The following RBFOX1 variants were observed in gnomAD, a reference collection of about 807,000 sequenced individuals.
RBFOX1 encodes the protein RNA binding protein fox-1 homolog 1.
In RBFOX1, 8 loss-of-function variants were observed where a neutral mutation model predicts 57.7. The observed-to-expected ratio is 0.14, with a 90% CI of 0.08 to 0.25. The LOEUF (loss-of-function observed/expected upper bound fraction) is 0.25. Among genes scored for constraint, RBFOX1 ranks in the 10% least tolerant of loss-of-function variants. The probability of loss-of-function intolerance (pLI) is 1.00; values close to 1 mark genes in which losing one functional copy is unlikely to be tolerated. For missense variants in RBFOX1, 611 were observed against 548.5 expected, an observed-to-expected ratio of 1.11 and a Z score of -1.14; for synonymous variants, 326 against 222.4, an observed-to-expected ratio of 1.47 and a Z score of -4.15.
intron 4 of RBFOX1, among the ~76,000 whole-genome samples, chr16:5,994,863 T>C (rs2060465313): frequency 6.6e-6 from 1 of 152,174 alleles, no homozygotes; most frequent in Non-Finnish European, 1.5e-5. Context: ...AATGCATACA[T>C]ATCTACGAAT....
At chr16:6,735,670 C>G (rs2070025723) in intron 3 of RBFOX1, among the ~76,000 whole-genome samples, 1 of 152,118 alleles carries the variant, frequency 6.6e-6, no homozygotes. Flanking sequence ...AATGCTGAGA[C>G]TCTCTCAGAT....
chr16:7,272,006 T>C (rs1288655441), intron 4 of RBFOX1, among the ~76,000 whole-genome samples: 4 of 152,178 alleles, frequency 2.6e-5, no homozygotes, highest in Admixed American at 6.5e-5. Flanking sequence ...GAAGTCATCA[T>C]AGTGTTTTTG....
chr16:7,453,986 A>G (rs1192708469), intron 4 of RBFOX1, among the ~76,000 whole-genome samples: 1 of 152,216 alleles, frequency 6.6e-6, no homozygotes, highest in Non-Finnish European at 1.5e-5. Flanking sequence ...AAATCTCAGC[A>G]GTTTGGGAGG....
intron 3 of RBFOX1, among the ~76,000 whole-genome samples, chr16:6,895,486 A>ATATATATAAATATG (rs1231560510): frequency 2.2e-5 from 2 of 92,048 alleles, no homozygotes; most frequent in Non-Finnish European, 4.4e-5. Context: ...ATATATATAT[A>ATATATATAAATATG]TTTATTCCCC....
intron 4 of RBFOX1, among the ~76,000 whole-genome samples, chr16:7,105,288 ATTTTTT>A (rs58447850): frequency 1.4e-5 from 2 of 138,194 alleles, no homozygotes; most frequent in Admixed American, 7.2e-5. Flanking sequence ...ATATGGTCTG[ATTTTTT>A]TTTTTTTTTT....
At chr16:7,358,751 C>A (rs974983612) in intron 4 of RBFOX1, among the ~76,000 whole-genome samples, 1 of 152,086 alleles carries the variant, frequency 6.6e-6, no homozygotes, top group Non-Finnish European at 1.5e-5. Flanking sequence ...ATAAAGTAGT[C>A]ACAGGTGGTA....
chr16:7,029,255 C>CATATATATAT (rs201005193), intron 3 of RBFOX1, among the ~76,000 whole-genome samples: 2 of 95,970 alleles, frequency 2.1e-5, no homozygotes, highest in African/African-American at 1.3e-4. Flanking sequence ...TATATATACA[C>CATATATATAT]ACATATATAT....
At chr16:7,363,677 C>T (rs2097374756) in intron 4 of RBFOX1, among the ~76,000 whole-genome samples, 1 of 152,048 alleles carries the variant, frequency 6.6e-6, no homozygotes, top group South Asian at 2.1e-4. Context: ...TTTGCTGGCT[C>T]CATTTAAGTT....
intron 1 of RBFOX1, among the ~76,000 whole-genome samples, chr16:6,252,383 C>T (rs2097622844): frequency 6.6e-6 from 1 of 152,050 alleles, no homozygotes. Flanking sequence ...TTATCATGTG[C>T]AGAAAATTCA....
At chr16:7,624,682 C>G (rs1004077358) in intron 10 of RBFOX1, among the ~76,000 whole-genome samples, 8 of 152,302 alleles carry the variant, frequency 5.3e-5, no homozygotes, top group African/African-American at 1.4e-4. Context: ...AGACATTGCC[C>G]TGCAGGGTTC....
In RBFOX1 at chr16:5,976,702, C is replaced by G. The variant is rs560869106; in HGVS notation, c.351+109367C>G. On this transcript the variant is annotated intron_variant, in intron 4 of 19. Transcript: ENST00000641259. ...TGGCCAATATGGTGAAACCTTGTTT[C>G]TACTAAAAATACAAAAATTCTCTGG... Among the ~76,000 whole-genome samples, 362 of 152,208 alleles carry G rather than the reference C, an allele frequency of 2.4e-3. 2 individuals are homozygous for G. The highest frequency in any genetic ancestry group is 0.014 in the Middle Eastern group (4 of 292).
At chr16:5,313,006 C>G (rs2064134076) in intron 1 of RBFOX1, among the ~76,000 whole-genome samples, 1 of 152,110 alleles carries the variant, frequency 6.6e-6, no homozygotes, top group Admixed American at 6.5e-5. Context: ...CCAGGCACAC[C>G]ACTGAGAATG....
At chr16:7,684,527 A>C (rs887397293) in intron 14 of RBFOX1, among the ~76,000 whole-genome samples, 1 of 152,074 alleles carries the variant, frequency 6.6e-6, no homozygotes, top group East Asian at 1.9e-4. Context: ...CCAATCATTT[A>C]GATTGAAATG....
At chr16:5,243,617 A>C (rs1208179459) in intron 1 of RBFOX1, among the ~76,000 whole-genome samples, 1 of 152,162 alleles carries the variant, frequency 6.6e-6, no homozygotes, top group Non-Finnish European at 1.5e-5. Context: ...AGACGGTTTC[A>C]AATGCCATGG....
intron 3 of RBFOX1, among the ~76,000 whole-genome samples, chr16:6,914,928 C>CA (rs1418812311): frequency 6.6e-6 from 1 of 152,214 alleles, no homozygotes; most frequent in Non-Finnish European, 1.5e-5. Context: ...AGCCCTCACT[C>CA]ACATAACTTT....
chr16:5,413,585 G>A (rs935298373), intron 1 of RBFOX1, among the ~76,000 whole-genome samples: 3 of 152,176 alleles, frequency 2.0e-5, no homozygotes, highest in Non-Finnish European at 2.9e-5. Context: ...CCATTGTCAC[G>A]GGAGGTTCTG....
chr16:7,005,013 G>A (rs1410559356), intron 3 of RBFOX1, among the ~76,000 whole-genome samples: 2 of 152,132 alleles, frequency 1.3e-5, no homozygotes, highest in Non-Finnish European at 2.9e-5. Flanking sequence ...GCATGATGGT[G>A]CGTGCCTGTT....
At chr16:6,853,885 C>G (rs1027724229) in intron 3 of RBFOX1, among the ~76,000 whole-genome samples, 2 of 152,104 alleles carry the variant, frequency 1.3e-5, no homozygotes, top group Non-Finnish European at 2.9e-5. Context: ...TAGCCAGGGC[C>G]AGGATCTATA....
chr16:6,705,525 C>G (rs2062582572), intron 3 of RBFOX1: 2 of 152,106 alleles, frequency 1.3e-5, no homozygotes, highest in Non-Finnish European at 2.9e-5. Flanking sequence ...TGCCTACTAC[C>G]CAGATCTCAG....
Sources: allele counts gnomAD v4.1 joint callset (sites outside exome capture counted in the v4.1 genomes callset), GRCh38; gene constraint gnomAD v4.1.1; transcripts MANE v1.5; gene names NCBI Gene and HGNC (gene_info 2026-07-23, HGNC 2026-07-21).